FCHO2: variants seen among roughly 807,000 people sequenced by gnomAD.
The protein encoded by FCHO2 is F-BAR domain only protein 2.
In FCHO2, 43 loss-of-function variants were observed where a neutral mutation model predicts 114.1. The observed-to-expected ratio is 0.38, with a 90% CI of 0.30 to 0.49. The LOEUF (loss-of-function observed/expected upper bound fraction) is 0.49, where lower values mean the gene tolerates loss of function less well. FCHO2 is among the 20% of genes least tolerant of loss of function. The pLI, the probability that FCHO2 is intolerant of heterozygous loss-of-function variation, is 0.97. For synonymous variants in FCHO2, 293 were observed against 315.2 expected (o/e 0.93, Z 0.75); for missense variants, 807 against 950.4 (o/e 0.85, Z 1.98).
At chr5:72,998,134 G>T (rs1249918715) in intron 5 of FCHO2, among the ~76,000 whole-genome samples, 2 of 152,054 alleles carry the variant, frequency 1.3e-5, no homozygotes, top group South Asian at 2.1e-4. Flanking sequence ...GAAATTACTT[G>T]TGATGAGAAT....
In FCHO2 at chr5:73,052,443, C is replaced by T. The variant is rs777185138; in HGVS notation, c.1109C>T (p.Thr370Ile). Residue 370 changes from threonine (T) to isoleucine (I), a missense_variant, in exon 13 of 26, where the codon ACA (threonine) becomes ATA (isoleucine). Thr to Ile is a moderately conservative substitution (Grantham distance 89, BLOSUM62 -1). Transcript: ENST00000430046. ...KPMHPNNSHH[T>I]MASLDELKVS... Reference sequence around the variant, plus strand: ...ATGCATCCAAATAACTCACATCACACAATGGCTTCTTTGGATGAATTAAAA... The same window carrying T: ...ATGCATCCAAATAACTCACATCACATAATGGCTTCTTTGGATGAATTAAAA... The T allele has an allele frequency of 1.2e-6, 2 of 1,601,414 alleles. No individual in the cohort carries two copies. The highest frequency in any genetic ancestry group is 4.5e-5 in the East Asian group (2 of 44,650).
intron 11 of FCHO2, among the ~76,000 whole-genome samples, chr5:73,041,903 C>A (rs1756822172): frequency 6.6e-6 from 1 of 152,050 alleles, no homozygotes; most frequent in African/African-American, 2.4e-5. Context: ...AATGTGTAGA[C>A]AGACATATTT....
At chr5:73,023,657 G>A (rs1014229865) in intron 8 of FCHO2, among the ~76,000 whole-genome samples, 2 of 150,918 alleles carry the variant, frequency 1.3e-5, no homozygotes, top group African/African-American at 2.4e-5. Flanking sequence ...CTCAGATTGC[G>A]CCATTGCACT....
chr5:72,991,158 G>A (rs539953949), intron 5 of FCHO2, among the ~76,000 whole-genome samples: 3 of 152,276 alleles, frequency 2.0e-5, no homozygotes, highest in Admixed American at 2.0e-4. Flanking sequence ...TCTGCCTCCT[G>A]GGTTGAAGTG....
At chr5:73,013,465 T>C (rs916062936) in intron 6 of FCHO2, among the ~76,000 whole-genome samples, 10 of 152,214 alleles carry the variant, frequency 6.6e-5, no homozygotes, top group African/African-American at 2.4e-5. Context: ...ACCAGGTTTG[T>C]ACAATAGAAA....
chr5:72,966,318 T>G (rs1243972486), intron 1 of FCHO2, among the ~76,000 whole-genome samples: 2 of 152,230 alleles, frequency 1.3e-5, no homozygotes, highest in African/African-American at 4.8e-5. Context: ...TTTCAAACCC[T>G]TATCTTTTTG....
intron 8 of FCHO2, chr5:73,020,798 C>T (rs897734081): frequency 1.6e-5 from 15 of 939,738 alleles, no homozygotes; most frequent in African/African-American, 6.5e-5. Context: ...TCCTGATCAG[C>T]CTCTTGAATG....
chr5:73,058,375 A>C, intron 16 of FCHO2, 58 bp from the exon 17 acceptor site: 7 of 1,232,626 alleles, frequency 5.7e-6, no homozygotes, highest in Admixed American at 2.5e-5. Context: ...GTGACTAGAA[A>C]TTTTATACTA....
At chr5:72,968,404 C>A in intron 1 of FCHO2, 94 bp from the exon 2 acceptor site, 1 of 785,544 alleles carries the variant, frequency 1.3e-6, no homozygotes, top group Non-Finnish European at 1.9e-6. Flanking sequence ...CTCACCTGAG[C>A]ACAGGATTGC....
chr5:73,015,767 GTT>G, intron 7 of FCHO2, 43 bp downstream of exon 7: 1 of 1,253,678 alleles, frequency 8.0e-7, no homozygotes, highest in South Asian at 1.5e-5. Context: ...TGAAAAATTT[GTT>G]TATTTATAGC....
At chr5:73,032,473 G>A (rs1033711217) in intron 8 of FCHO2, among the ~76,000 whole-genome samples, 2 of 152,136 alleles carry the variant, frequency 1.3e-5, no homozygotes, top group African/African-American at 4.8e-5. Flanking sequence ...TAGGAAAAGA[G>A]TTTTGTGAGA....
intron 2 of FCHO2, among the ~76,000 whole-genome samples, chr5:72,989,072 T>C (rs1048316637): frequency 6.6e-6 from 1 of 152,024 alleles, no homozygotes; most frequent in African/African-American, 2.4e-5. Flanking sequence ...TAGCTGGGTG[T>C]TGTGGGGCAT....
Position 73,019,352 on chromosome 5 carries a change from C to T in FCHO2, c.796+2044C>T, listed in dbSNP as rs1337781788. Among the ~76,000 whole-genome samples the T allele has an allele frequency of 3.3e-5, 5 of 152,216 alleles. No individual in the cohort carries two copies. In the East Asian group the frequency reaches 7.7e-4, roughly 24 times the overall value. ...CCTGAGGTCAGGAGTTCAAGACCAA[C>T]CTGGCCAACATGGTGAAACCCTCTA... On this transcript the variant is annotated intron_variant, in intron 8 of 25. Transcript: ENST00000430046.
chr5:73,024,475 C>T lies in FCHO2; in HGVS notation c.796+7167C>T, dbSNP rs113520884. ...TTTTTTTGGAGTCGGAGTCTCGCTCCGTCGCCCAGGCTGGAGTGCAGTGGC... is the reference window on the plus strand; with the variant it reads ...TTTTTTTGGAGTCGGAGTCTCGCTCTGTCGCCCAGGCTGGAGTGCAGTGGC... On this transcript the variant is annotated intron_variant, in intron 8 of 25. Coordinates refer to ENST00000430046, the MANE Select transcript of FCHO2 (RefSeq NM_138782.3). Among the ~76,000 whole-genome samples the T allele has an allele frequency of 7.7e-3, 1,168 of 151,396 alleles. 13 individuals carry two copies. Among genetic ancestry groups the T allele is most frequent in the African/African-American group, 0.027 (1,115 of 41,214 alleles).
intron 5 of FCHO2, among the ~76,000 whole-genome samples, chr5:72,992,447 A>G (rs1561429783): frequency 6.6e-6 from 1 of 152,228 alleles, no homozygotes; most frequent in East Asian, 1.9e-4. Flanking sequence ...CAGAAATCCA[A>G]AATGGCACGT....
chr5:73,039,843 G>A (rs1580149365), intron 10 of FCHO2, among the ~76,000 whole-genome samples: 1 of 151,862 alleles, frequency 6.6e-6, no homozygotes, highest in South Asian at 2.1e-4. Context: ...CTGGAGAATT[G>A]CTTGAACCTG....
At chr5:73,011,208 A>T (rs1399298184) in intron 6 of FCHO2, among the ~76,000 whole-genome samples, 2 of 152,210 alleles carry the variant, frequency 1.3e-5, no homozygotes, top group African/African-American at 4.8e-5. Flanking sequence ...GGCCTAGGAC[A>T]TTACTGTACA....
At chr5:72,983,594 G>A (rs1287246218) in intron 2 of FCHO2, among the ~76,000 whole-genome samples, 1 of 115,086 alleles carries the variant, frequency 8.7e-6, no homozygotes, top group Non-Finnish European at 1.7e-5. Flanking sequence ...TCACCATGTT[G>A]CCTAGACTGG....
In FCHO2 at chr5:73,020,781, G is replaced by T; in HGVS notation, c.796+3473G>T. ...CAAATTCTGTGAGAGATATGGCACT[G>T]TCCCCATCCTGATCAGCCTCTTGAA... is the stretch of plus-strand genomic sequence containing the variant. On this transcript the variant is annotated intron_variant, in intron 8 of 25. Transcript: ENST00000430046. The T allele has an allele frequency of 4.1e-6, 4 of 975,984 alleles. No homozygotes were observed. The Admixed American group carries it at 5.1e-5, about 12-fold the overall frequency. 60.5% of individuals were successfully genotyped at this position (975,984 alleles called of 1,614,324 possible).
Sources: gnomAD v4.1 joint callset for allele counts (sites outside exome capture counted in the v4.1 genomes callset) on GRCh38, gnomAD v4.1.1 for gene constraint, MANE v1.5 for transcripts, NCBI Gene and HGNC (gene_info 2026-07-23, HGNC 2026-07-21) for gene names.